The following PALM2AKAP2 variants were observed in gnomAD, a reference collection of about 807,000 sequenced individuals.
PALM2AKAP2 encodes the protein PALM2-AKAP2 fusion protein.
In PALM2AKAP2, 37 loss-of-function variants were observed where a neutral mutation model predicts 71.5. That is an observed-to-expected ratio of 0.52 (90% CI 0.40 to 0.68). PALM2AKAP2 has a LOEUF of 0.68. Among genes scored for constraint, PALM2AKAP2 ranks in the 30% least tolerant of loss-of-function variants. PALM2AKAP2 has a pLI of 0.00. For missense variants in PALM2AKAP2, 1,224 were observed against 1,191.8 expected (o/e 1.03, Z -0.40); for synonymous variants, 468 against 478.8 (o/e 0.98, Z 0.29).
At chr9:110,168,643 T>G (rs1836792205) in exon 4 of PALM2AKAP2, 1 of 954,250 alleles carries the variant, frequency 1.0e-6, no homozygotes, top group Non-Finnish European at 1.5e-6. Flanking sequence ...CAATATACAA[T>G]GATGAAAATG....
At chr9:109,903,023 A>G (rs188128739) in intron 3 of PALM2AKAP2, among the ~76,000 whole-genome samples, 6 of 152,118 alleles carry the variant, frequency 3.9e-5, no homozygotes, top group Non-Finnish European at 7.4e-5. Context: ...CAGAGATTTC[A>G]TGGACACCTT....
At chr9:110,021,447 T>C (rs79925575) in intron 7 of PALM2AKAP2, among the ~76,000 whole-genome samples, 2,111 of 152,320 alleles carry the variant, frequency 0.014, 44 homozygotes, top group African/African-American at 0.049. Flanking sequence ...TAGTTTGTTA[T>C]GGCAACCCTG....
chr9:109,881,903 TA>T (rs1308495877), intron 3 of PALM2AKAP2, among the ~76,000 whole-genome samples: 1 of 127,954 alleles, frequency 7.8e-6, no homozygotes, highest in Non-Finnish European at 1.6e-5. Context: ...TTTTTTTTTT[TA>T]GATGGAGTCT....
intron 6 of PALM2AKAP2, among the ~76,000 whole-genome samples, chr9:109,967,581 T>A (rs1039126590): frequency 6.6e-6 from 1 of 152,166 alleles, no homozygotes; most frequent in African/African-American, 2.4e-5. Flanking sequence ...AGCTAATTTT[T>A]GTATTTTTAG....
At chr9:110,108,204 C>A (rs543091874) in intron 1 of PALM2AKAP2, among the ~76,000 whole-genome samples, 1 of 151,290 alleles carries the variant, frequency 6.6e-6, no homozygotes, top group African/African-American at 2.4e-5. Flanking sequence ...CAACCTCTGC[C>A]TCCCGGGTTC....
At position 109,952,907 on chromosome 9, in the gene PALM2AKAP2, A is replaced by G. The variant is rs372445673; in HGVS notation, c.496+20879A>G. 1.3e-4 allele frequency among the ~76,000 whole-genome samples: 20 copies of G among 152,338 alleles called. 1 individual carries two copies. In the East Asian group the frequency reaches 1.9e-3, roughly 15 times the overall value. ...GAAGTTAAAGGAAATTATATTTATT[A>G]AAAGCACTGTGTAAGCTGGAAGTAG... On this transcript the variant is annotated intron_variant, in intron 6 of 9. Coordinates refer to the PALM2AKAP2 transcript ENST00000302798.
At chr9:109,784,378 A>G (rs1826906235) in intron 1 of PALM2AKAP2, among the ~76,000 whole-genome samples, 1 of 152,258 alleles carries the variant, frequency 6.6e-6, no homozygotes, top group Non-Finnish European at 1.5e-5. Flanking sequence ...AAAAGAAGAC[A>G]TTAGAGTAAG....
intron 2 of PALM2AKAP2, among the ~76,000 whole-genome samples, chr9:110,154,750 C>A (rs78728684): frequency 6.6e-6 from 1 of 152,072 alleles, no homozygotes; most frequent in East Asian, 1.9e-4. Flanking sequence ...AATGCAGTGC[C>A]CTTTTCTGTA....
intron 6 of PALM2AKAP2, among the ~76,000 whole-genome samples, chr9:109,974,115 A>G (rs1489832540): frequency 6.6e-6 from 1 of 152,238 alleles, no homozygotes; most frequent in Non-Finnish European, 1.5e-5. Flanking sequence ...TGGAGAGAGC[A>G]TGCAACCAGA....
intron 1 of PALM2AKAP2, among the ~76,000 whole-genome samples, chr9:110,108,997 A>C (rs1835177562): frequency 6.6e-6 from 1 of 152,090 alleles, no homozygotes; most frequent in Non-Finnish European, 1.5e-5. Context: ...CTTGTAATTC[A>C]AAGCAGCAGG....
intron 6 of PALM2AKAP2, among the ~76,000 whole-genome samples, chr9:109,965,006 A>G (rs372998083): frequency 6.6e-6 from 1 of 152,214 alleles, no homozygotes; most frequent in Non-Finnish European, 1.5e-5. Context: ...ATTGACAGAG[A>G]TAACACATAG....
intron 1 of PALM2AKAP2, among the ~76,000 whole-genome samples, chr9:110,135,150 T>TAAAAAAA (rs1337195214): frequency 2.1e-5 from 1 of 48,412 alleles, no homozygotes; most frequent in Non-Finnish European, 3.8e-5. Context: ...ACTCTGTCTC[T>TAAAAAAA]ACAAAAAAAA....
rs80280431 is a variant in PALM2AKAP2, at chr9:109,792,255, A to T, written c.45+11722A>T. 4.4e-3 allele frequency among the ~76,000 whole-genome samples: 662 copies of T among 152,106 alleles called. 3 individuals carry two copies. Among genetic ancestry groups the T allele is most frequent in the African/African-American group, 0.015 (626 of 41,496 alleles). ...GAAGTAAAAACTACAAGCACTCTTT[A>T]AAAAAAATGAAAATGAATGAAGAGA... On this transcript the variant is annotated intron_variant, in intron 1 of 9. Coordinates refer to the PALM2AKAP2 transcript ENST00000302798.
intron 6 of PALM2AKAP2, among the ~76,000 whole-genome samples, chr9:109,935,400 G>T (rs554233499): frequency 6.6e-6 from 1 of 152,188 alleles, no homozygotes; most frequent in African/African-American, 2.4e-5. Context: ...CATCTTTGGG[G>T]TATGATCATG....
intron 1 of PALM2AKAP2, among the ~76,000 whole-genome samples, chr9:109,790,724 G>T (rs911072971): frequency 6.6e-6 from 1 of 152,206 alleles, no homozygotes; most frequent in Non-Finnish European, 1.5e-5. Flanking sequence ...TTTTTGTGGT[G>T]TGACTTGACA....
intron 1 of PALM2AKAP2, among the ~76,000 whole-genome samples, chr9:109,728,263 TA>T (rs1346133742): frequency 6.6e-6 from 1 of 152,260 alleles, no homozygotes. Flanking sequence ...TTAAGCACTT[TA>T]TATGCATTAT....
intron 1 of PALM2AKAP2, among the ~76,000 whole-genome samples, chr9:110,057,605 C>T (rs912203067): frequency 9.9e-5 from 15 of 151,998 alleles, no homozygotes; most frequent in African/African-American, 2.7e-4. Context: ...GTCTCCATCT[C>T]CTGACCTCAT....
intron 1 of PALM2AKAP2, among the ~76,000 whole-genome samples, chr9:109,697,811 G>C (rs1173429900): frequency 6.6e-6 from 1 of 152,036 alleles, no homozygotes; most frequent in Non-Finnish European, 1.5e-5. Flanking sequence ...CTTCCAGCTG[G>C]CCCTTTTTAA....
chr9:109,689,987 G>A (rs1469167142), intron 1 of PALM2AKAP2, among the ~76,000 whole-genome samples: 2 of 152,240 alleles, frequency 1.3e-5, no homozygotes, highest in South Asian at 2.1e-4. Flanking sequence ...TACAGAAAGA[G>A]ACATCAAGAA....
Sources: gnomAD v4.1 joint callset for allele counts (sites outside exome capture counted in the v4.1 genomes callset) on GRCh38, gnomAD v4.1.1 for gene constraint, MANE v1.5 for transcripts, NCBI Gene and HGNC (gene_info 2026-07-23, HGNC 2026-07-21) for gene names.